The following DNAH5 variants were observed in gnomAD, a reference collection of about 807,000 sequenced individuals.
DNAH5 encodes the protein axonemal beta dynein heavy chain 5.
DNAH5 carries 372 observed loss-of-function variants against 518.2 expected under a neutral mutation model. The observed-to-expected ratio is 0.72, with a 90% CI of 0.66 to 0.78. The LOEUF (loss-of-function observed/expected upper bound fraction) is 0.78, where lower values mean the gene tolerates loss of function less well. DNAH5 is among the 30% of genes least tolerant of loss of function. The pLI is 0.00. For missense variants in DNAH5, 5,523 were observed against 5,687.0 expected (o/e 0.97, Z 0.93); for synonymous variants, 2,039 against 2,025.9 (o/e 1.01, Z -0.17).
intron 47 of DNAH5, among the ~76,000 whole-genome samples, chr5:13,796,798 CT>C (rs1757893200): frequency 6.6e-6 from 1 of 152,182 alleles, no homozygotes; most frequent in Admixed American, 6.5e-5. Flanking sequence ...TGACTTCAAA[CT>C]ATACTACAAG....
At chr5:13,697,287 A>C (rs1351905170) in intron 78 of DNAH5, among the ~76,000 whole-genome samples, 1 of 152,236 alleles carries the variant, frequency 6.6e-6, no homozygotes, top group Non-Finnish European at 1.5e-5. Flanking sequence ...ATACAAAGCC[A>C]TAGGCAGTAT....
At chr5:13,850,614 A>C (rs1766696984) in intron 31 of DNAH5, 38 bp downstream of exon 31, 2 of 1,595,456 alleles carry the variant, frequency 1.3e-6, no homozygotes, top group Non-Finnish European at 1.7e-6. Flanking sequence ...CTTTTGTCTC[A>C]AGGATACCGA....
At chr5:13,916,528 T>C in intron 8 of DNAH5, 73 bp from the exon 9 acceptor site, 1 of 740,162 alleles carries the variant, frequency 1.4e-6, no homozygotes, top group African/African-American at 1.7e-5. Flanking sequence ...AACCATTCCA[T>C]CTGCATTAAA....
Position 13,786,283 on chromosome 5 carries a change from G to A in DNAH5, c.8716C>T (p.Leu2906=). ...IYEPIESFSH[L]KERLNMFLQL... is the part of the protein sequence containing the mutation. ...AGGAACATATTCAGACGCTCTTTTA[G>A]GTGACTAAAAGATTCAATTGGCTCA... Residue 2906 remains leucine, a synonymous_variant, in exon 52 of 79, where the codon CTA becomes TTA. Coordinates refer to ENST00000265104, the MANE Select transcript of DNAH5 (RefSeq NM_001369.3). 6.2e-7 allele frequency: 1 copy of A among 1,614,026 alleles called. No homozygotes were observed. The highest frequency in any genetic ancestry group is 8.5e-7 in the Non-Finnish European group (1 of 1,180,000).
At chr5:13,830,945 A>G (rs759959095) in intron 35 of DNAH5, among the ~76,000 whole-genome samples, 170 bp from the exon 36 acceptor site, 3 of 152,186 alleles carry the variant, frequency 2.0e-5, no homozygotes, top group African/African-American at 4.8e-5. Context: ...CAATGTTAAC[A>G]TATGTTGAGG....
chr5:13,739,658 A>T (rs1414603356), intron 65 of DNAH5, among the ~76,000 whole-genome samples: 1 of 152,138 alleles, frequency 6.6e-6, no homozygotes, highest in Non-Finnish European at 1.5e-5. Context: ...TGGACTATTC[A>T]CTGATTACAT....
At chr5:13,883,750 T>G (rs1771987326) in intron 19 of DNAH5, among the ~76,000 whole-genome samples, 2 of 152,188 alleles carry the variant, frequency 1.3e-5, no homozygotes, top group Admixed American at 1.3e-4. Context: ...GATTGAATAT[T>G]TAGCCTATCA....
intron 50 of DNAH5, among the ~76,000 whole-genome samples, chr5:13,790,353 A>T (rs1400579906): frequency 6.6e-6 from 1 of 152,214 alleles, no homozygotes; most frequent in East Asian, 1.9e-4. Context: ...TACACCATGG[A>T]ATACTATGCA....
rs1303814704 is a variant in DNAH5, at chr5:13,940,450, G to A, written c.57+3932C>T. 9.2e-5 allele frequency among the ~76,000 whole-genome samples: 14 copies of A among 152,238 alleles called. No individual in the cohort carries two copies. In the East Asian group the frequency reaches 2.7e-3, roughly 29 times the overall value. Reference sequence around the variant, plus strand: ...TATGTCACCATTCACGTTATATATGGCACAGGAGTGGAATTCCAAAACTTC... The same window carrying A: ...TATGTCACCATTCACGTTATATATGACACAGGAGTGGAATTCCAAAACTTC... On this transcript the variant is annotated intron_variant, in intron 1 of 78. Transcript: ENST00000265104.
Position 13,708,348 on chromosome 5 carries a change from C to T in DNAH5, c.13126-13G>A, listed in dbSNP as rs1402096471. ...GCCTCTCTTTTACCTGCCATGGAGACATTCAAAGCACATGTTAACAATTAG... is the reference window on the plus strand; with the variant it reads ...GCCTCTCTTTTACCTGCCATGGAGATATTCAAAGCACATGTTAACAATTAG... On this transcript the variant is annotated splice_polypyrimidine_tract_variant and intron_variant, in intron 75 of 78. Transcript: ENST00000265104. 7 of 1,613,214 alleles carry T rather than the reference C, an allele frequency of 4.3e-6. No individual in the cohort carries two copies. In the Admixed American group the frequency reaches 1.0e-4, roughly 23 times the overall value.
intron 30 of DNAH5, among the ~76,000 whole-genome samples, chr5:13,853,372 AACAG>A (rs1767161115): frequency 3.9e-5 from 6 of 152,202 alleles, no homozygotes; most frequent in Non-Finnish European, 8.8e-5. Flanking sequence ...GAAGGTCACC[AACAG>A]CAAAGACCAA....
At chr5:13,921,748 A>ACGC (rs765137275) in intron 5 of DNAH5, among the ~76,000 whole-genome samples, 1 of 67,340 alleles carries the variant, frequency 1.5e-5, no homozygotes, top group Admixed American at 1.5e-4. Context: ...CCGCCCACAC[A>ACGC]CACCCCCCCA....
chr5:13,796,531 C>T (rs1427261135), intron 47 of DNAH5, among the ~76,000 whole-genome samples: 1 of 152,118 alleles, frequency 6.6e-6, no homozygotes, highest in Non-Finnish European at 1.5e-5. Flanking sequence ...CTACAAACCA[C>T]TGCGCCACGA....
At chr5:13,829,077 G>A (rs1211615340) in intron 38 of DNAH5, among the ~76,000 whole-genome samples, 4 of 152,128 alleles carry the variant, frequency 2.6e-5, no homozygotes, top group Admixed American at 6.6e-5. Context: ...CTAAACAATC[G>A]AGGAAACTAG....
intron 60 of DNAH5, among the ~76,000 whole-genome samples, chr5:13,760,702 C>T (rs1283651903): frequency 1.3e-5 from 2 of 152,170 alleles, no homozygotes; most frequent in Non-Finnish European, 2.9e-5. Flanking sequence ...ATAACAGCTC[C>T]TCAGTGTGTC....
chr5:13,695,708 A>G (rs958396562), intron 78 of DNAH5, among the ~76,000 whole-genome samples: 3 of 152,168 alleles, frequency 2.0e-5, no homozygotes, highest in South Asian at 2.1e-4. Flanking sequence ...TAAAGATTAA[A>G]TAAGTTAACA....
Position 13,862,592 on chromosome 5 carries a change from G to A in DNAH5, c.4752C>T (p.Asn1584=), listed in dbSNP as rs1403380145. 2 of 1,614,028 alleles carry A rather than the reference G, an allele frequency of 1.2e-6. No homozygotes were observed. The highest frequency in any genetic ancestry group is 1.7e-5 in the Admixed American group (1 of 60,008). ...CCAGCAACATCAAGCTGTCCTCCAT[G>A]TTGGCGATGATTTCCGAGGTACTGT... is the stretch of plus-strand genomic sequence containing the variant. ...RGDSTSEIIA[N]MEDSLMLLGS... The change falls in exon 29 of 79, where the codon AAC becomes AAT. Residue 1584 remains asparagine, a synonymous_variant. Transcript: ENST00000265104.
chr5:13,759,002 G>C lies in DNAH5; in HGVS notation c.10282-19C>G, dbSNP rs1194222891. On this transcript the variant is annotated intron_variant, in intron 60 of 78. Transcript: ENST00000265104. ...AGTTGGCCTGCACAGGACACACACA[G>C]AGTGAAGAGATGGGCAGCCAACCTC... The C allele has an allele frequency of 1.2e-6, 2 of 1,613,850 alleles. No individual in the cohort carries two copies. Among genetic ancestry groups the C allele is most frequent in the Non-Finnish European group, 1.7e-6 (2 of 1,179,992 alleles).
chr5:13,938,053 T>G (rs1387530156), intron 1 of DNAH5, among the ~76,000 whole-genome samples: 3 of 152,188 alleles, frequency 2.0e-5, no homozygotes, highest in Admixed American at 2.0e-4. Context: ...AGTTTTAAAT[T>G]TTGTGCCCTT....
Sources: allele counts gnomAD v4.1 joint callset (sites outside exome capture counted in the v4.1 genomes callset), GRCh38; gene constraint gnomAD v4.1.1; transcripts MANE v1.5; gene names NCBI Gene and HGNC (gene_info 2026-07-23, HGNC 2026-07-21).